Variants in KCNMA1 observed in about 807,000 individuals in gnomAD.
KCNMA1 encodes the protein potassium calcium-activated channel subfamily M alpha 1, also known as Calcium-activated potassium channel subunit alpha-1.
In KCNMA1, 29 loss-of-function variants were observed where a neutral mutation model predicts 140.0. The observed-to-expected ratio is 0.21, with a 90% CI of 0.15 to 0.28. The LOEUF (loss-of-function observed/expected upper bound fraction) is 0.28. Among genes scored for constraint, KCNMA1 ranks in the 10% least tolerant of loss-of-function variants. The probability of loss-of-function intolerance (pLI) is 1.00; values close to 1 mark genes in which losing one functional copy is unlikely to be tolerated. For synonymous variants in KCNMA1, 612 were observed against 611.9 expected (o/e 1.00, Z 0.00); for missense variants, 880 against 1,602.2 (o/e 0.55, Z 7.70).
intron 1 of KCNMA1, among the ~76,000 whole-genome samples, chr10:77,553,439 T>C (rs978880625): frequency 1.3e-5 from 2 of 152,122 alleles, no homozygotes; most frequent in African/African-American, 2.4e-5. Context: ...TCTAGTGAGA[T>C]GAATGTTCCC....
chr10:77,332,399 A>T (rs1020450333), intron 2 of KCNMA1, among the ~76,000 whole-genome samples: 1 of 152,178 alleles, frequency 6.6e-6, no homozygotes, highest in Non-Finnish European at 1.5e-5. Context: ...GTGCTTGATC[A>T]AGAGCTGAAG....
intron 3 of KCNMA1, among the ~76,000 whole-genome samples, chr10:77,212,994 C>A (rs1027415874): frequency 6.6e-6 from 1 of 151,956 alleles, no homozygotes; most frequent in Non-Finnish European, 1.5e-5. Context: ...GGACAATTGC[C>A]GACGTATGCA....
intron 1 of KCNMA1, among the ~76,000 whole-genome samples, chr10:77,444,525 G>C (rs897537114): frequency 7.9e-5 from 12 of 152,152 alleles, no homozygotes; most frequent in African/African-American, 2.9e-4. Flanking sequence ...CTCACTTGTA[G>C]CCACTTTAGT....
At chr10:77,584,824 C>G (rs992545064) in intron 1 of KCNMA1, among the ~76,000 whole-genome samples, 3 of 152,172 alleles carry the variant, frequency 2.0e-5, no homozygotes, top group Admixed American at 1.3e-4. Context: ...CTTCCAGACC[C>G]TAAGAAGTCT....
At chr10:77,218,943 T>G (rs2048684783) in intron 3 of KCNMA1, among the ~76,000 whole-genome samples, 1 of 152,212 alleles carries the variant, frequency 6.6e-6, no homozygotes, top group African/African-American at 2.4e-5. Context: ...CGCCTCGGCC[T>G]CCCAAAGTGC....
Position 77,637,280 on chromosome 10 carries a change from G to A in KCNMA1, c.363C>T (p.Cys121=), listed in dbSNP as rs141758134. 9.8e-5 allele frequency: 158 copies of A among 1,608,418 alleles called. No homozygotes were observed. The highest frequency in any genetic ancestry group is 1.5e-4 in the Admixed American group (9 of 59,790). ...LKYLWTVCCH[C]GGKTKEAQKI... ...CGCGCGTTACCTTCGTCTTGCCCCC[G>A]CAGTGGCAGCACACGGTCCACAGGT... The change falls in exon 1 of 28, where the codon TGC becomes TGT. Residue 121 remains cysteine, a synonymous_variant. Transcript: ENST00000286628.
intron 2 of KCNMA1, among the ~76,000 whole-genome samples, chr10:77,320,928 G>A (rs77498290): frequency 6.6e-6 from 1 of 152,114 alleles, no homozygotes; most frequent in African/African-American, 2.4e-5. Flanking sequence ...TTGAGCTGAC[G>A]GCTCCTCCAC....
intron 1 of KCNMA1, among the ~76,000 whole-genome samples, chr10:77,550,343 T>A (rs922816512): frequency 6.6e-6 from 1 of 152,162 alleles, no homozygotes; most frequent in Non-Finnish European, 1.5e-5. Context: ...TTCCCCATGT[T>A]TGGTCCTGGG....
intron 26 of KCNMA1, chr10:76,889,847 T>C (rs983087364): frequency 8.5e-6 from 4 of 469,312 alleles, no homozygotes; most frequent in Non-Finnish European, 1.6e-5. Context: ...AAGGAGATTA[T>C]GCTTCTCCCT....
At chr10:77,437,079 G>A (rs543596428) in intron 1 of KCNMA1, among the ~76,000 whole-genome samples, 1 of 152,102 alleles carries the variant, frequency 6.6e-6, no homozygotes, top group African/African-American at 2.4e-5. Flanking sequence ...GATGCCTGGT[G>A]TTCCCCACTC....
chr10:77,387,830 C>A (rs1338040229), intron 2 of KCNMA1, among the ~76,000 whole-genome samples: 1 of 152,078 alleles, frequency 6.6e-6, no homozygotes, highest in Non-Finnish European at 1.5e-5. Context: ...GTTGGCCAGG[C>A]TGGTCTTAAA....
chr10:77,612,421 A>G (rs2087286746), intron 1 of KCNMA1, among the ~76,000 whole-genome samples: 6 of 152,176 alleles, frequency 3.9e-5, no homozygotes, highest in Admixed American at 3.9e-4. Flanking sequence ...AATGATGCAA[A>G]AAGAGATCAA....
chr10:77,029,673 T>C (rs545049878), intron 15 of KCNMA1, among the ~76,000 whole-genome samples: 57 of 152,310 alleles, frequency 3.7e-4, no homozygotes, highest in African/African-American at 1.3e-3. Context: ...TCATCTGTGA[T>C]GGTTCAGGAG....
At chr10:77,116,036 T>G (rs755264811) in intron 6 of KCNMA1, among the ~76,000 whole-genome samples, 4 of 152,196 alleles carry the variant, frequency 2.6e-5, no homozygotes, top group Non-Finnish European at 4.4e-5. Flanking sequence ...TATATATCTC[T>G]GTGTGGAGAT....
At chr10:77,533,374 C>T (rs758624366) in intron 1 of KCNMA1, among the ~76,000 whole-genome samples, 21 of 152,152 alleles carry the variant, frequency 1.4e-4, no homozygotes, top group Non-Finnish European at 2.9e-4. Context: ...GTCTAGTTTC[C>T]CTTCCCTAGT....
chr10:77,005,776 T>C (rs1278505967), intron 18 of KCNMA1, among the ~76,000 whole-genome samples: 1 of 152,242 alleles, frequency 6.6e-6, no homozygotes, highest in Non-Finnish European at 1.5e-5. Flanking sequence ...AACATTTCCA[T>C]CATAACTTCA....
Position 77,271,475 on chromosome 10 carries a change from G to A in KCNMA1, c.541-20219C>T, listed in dbSNP as rs772318262. ...AACAGCATAACTAGAACACCTCCCAGAGATGTGGCCTAGAGCAGGTAACTC... is the reference window on the plus strand; with the variant it reads ...AACAGCATAACTAGAACACCTCCCAAAGATGTGGCCTAGAGCAGGTAACTC... On this transcript the variant is annotated intron_variant, in intron 2 of 27. Coordinates refer to ENST00000286628, the MANE Select transcript of KCNMA1 (RefSeq NM_001161352.2). 2.0e-5 allele frequency among the ~76,000 whole-genome samples: 3 copies of A among 152,338 alleles called. No individual in the cohort carries two copies. In the South Asian group the frequency reaches 6.2e-4, roughly 32 times the overall value.
chr10:77,444,604 T>C (rs1328875425), intron 1 of KCNMA1, among the ~76,000 whole-genome samples: 6 of 152,220 alleles, frequency 3.9e-5, no homozygotes, highest in African/African-American at 1.2e-4. Flanking sequence ...TATAATGCCA[T>C]GCCATATGCC....
At position 77,081,335 on chromosome 10, in the gene KCNMA1, T is replaced by C. The variant is rs1038261840; in HGVS notation, c.1524-1785A>G. Among the ~76,000 whole-genome samples the C allele has an allele frequency of 1.1e-4, 17 of 152,300 alleles. No homozygotes were observed. The East Asian group carries it at 3.3e-3, about 29-fold the overall frequency. ...AGATGTGAAAATGCTTTGAAATCAT[T>C]AAAAGTTCTCTCCACGTGTAAGTTA... On this transcript the variant is annotated intron_variant, in intron 12 of 27. Transcript: ENST00000286628.
Sources: gnomAD v4.1 joint callset for allele counts (sites outside exome capture counted in the v4.1 genomes callset) on GRCh38, gnomAD v4.1.1 for gene constraint, MANE v1.5 for transcripts, NCBI Gene and HGNC (gene_info 2026-07-23, HGNC 2026-07-21) for gene names.